The following SLC9D1 variants were observed in gnomAD, a reference collection of about 807,000 sequenced individuals.
SLC9D1 encodes the protein putative LAG1-interacting protein.
At chr13:113,537,035 C>A in the SLC9D1 span, among the ~76,000 whole-genome samples, 1 of 152,220 alleles carries the variant, frequency 6.6e-6, no homozygotes, top group South Asian at 2.1e-4. Flanking sequence ...TGGCTGGTCC[C>A]TCAAGCCCTT....
At chr13:113,520,856 T>G in the SLC9D1 span, 9 of 732,000 alleles carry the variant, frequency 1.2e-5, no homozygotes, top group African/African-American at 1.7e-5. Flanking sequence ...CCGTGCACAG[T>G]CCCTGGAGCA....
At chr13:113,499,698 A>G in the SLC9D1 span, among the ~76,000 whole-genome samples, 1 of 152,218 alleles carries the variant, frequency 6.6e-6, no homozygotes, top group Admixed American at 6.5e-5. Context: ...TTTAAAATCT[A>G]CTAGTTATGG....
the SLC9D1 span, among the ~76,000 whole-genome samples, chr13:113,495,228 G>A: frequency 2.6e-5 from 4 of 152,148 alleles, no homozygotes; most frequent in Non-Finnish European, 5.9e-5. Context: ...ACGAGGCTGC[G>A]TCGCCCCCCA....
chr13:113,533,737 G>A, the SLC9D1 span, among the ~76,000 whole-genome samples: 2 of 152,216 alleles, frequency 1.3e-5, no homozygotes, highest in Non-Finnish European at 2.9e-5. Flanking sequence ...GAGGCCTGGC[G>A]AGGAATTTTA....
the SLC9D1 span, among the ~76,000 whole-genome samples, chr13:113,503,206 A>C: frequency 6.6e-6 from 1 of 152,366 alleles, no homozygotes; most frequent in East Asian, 1.9e-4. Flanking sequence ...AACACATACA[A>C]CTGGATGCTG....
the SLC9D1 span, among the ~76,000 whole-genome samples, chr13:113,517,896 AG>A: frequency 6.6e-6 from 1 of 151,124 alleles, no homozygotes; most frequent in Non-Finnish European, 1.5e-5. Context: ...CCCCACAGCA[AG>A]GGGTTTACAG....
chr13:113,495,542 G>T, the SLC9D1 span: 1 of 1,438,834 alleles, frequency 7.0e-7, no homozygotes, highest in South Asian at 1.4e-5. Context: ...GTGGGGCAGA[G>T]ACCCGTGGAT....
At chr13:113,504,422 T>G in the SLC9D1 span, 2 of 152,280 alleles carry the variant, frequency 1.3e-5, no homozygotes, top group Non-Finnish European at 2.9e-5. Context: ...CTGTGAGATT[T>G]TGGTGCACCT....
At chr13:113,499,978 G>T in the SLC9D1 span, 1 of 1,517,928 alleles carries the variant, frequency 6.6e-7, no homozygotes. Context: ...TCAATTTTGA[G>T]GCAGTTCTGA....
At chr13:113,540,896 T>C in the SLC9D1 span, among the ~76,000 whole-genome samples, 1 of 152,202 alleles carries the variant, frequency 6.6e-6, no homozygotes, top group Non-Finnish European at 1.5e-5. Flanking sequence ...TTGTATGTGG[T>C]GTCAGGAGGG....
chr13:113,512,405 AGGGTTG>A, the SLC9D1 span, among the ~76,000 whole-genome samples: 3 of 149,372 alleles, frequency 2.0e-5, no homozygotes, highest in South Asian at 2.2e-4. Context: ...GTAGACGGAG[AGGGTTG>A]GAGTGTAGAT....
At chr13:113,517,255 A>C in the SLC9D1 span, among the ~76,000 whole-genome samples, 7 of 152,092 alleles carry the variant, frequency 4.6e-5, no homozygotes, top group Non-Finnish European at 5.9e-5. Flanking sequence ...GTTGTTGAGG[A>C]GGAGTCTCGC....
At chr13:113,503,626 C>CTT in the SLC9D1 span, 1 of 1,378,580 alleles carries the variant, frequency 7.3e-7, no homozygotes, top group Non-Finnish European at 1.0e-6. Context: ...AGCTAAGGAG[C>CTT]TTCACATCAT....
the SLC9D1 span, chr13:113,529,210 T>C: frequency 6.6e-6 from 1 of 152,232 alleles, no homozygotes; most frequent in African/African-American, 2.4e-5. Context: ...ACCGAAATTG[T>C]TCTAATTCAG....
At chr13:113,495,576 T>C in the SLC9D1 span, 192,571 of 1,528,208 alleles carry the variant, frequency 0.13, 14,828 homozygotes, top group African/African-American at 0.36. Context: ...CCTCCGGACC[T>C]GGATCATGAA....
chr13:113,524,048 A>G, the SLC9D1 span: 1 of 454,056 alleles, frequency 2.2e-6, no homozygotes, highest in Non-Finnish European at 4.4e-6. Context: ...TCTGTGGTAA[A>G]TGCTCCAAAG....
the SLC9D1 span, among the ~76,000 whole-genome samples, chr13:113,503,160 G>A: frequency 1.3e-5 from 2 of 152,218 alleles, no homozygotes; most frequent in African/African-American, 4.8e-5. Context: ...TAGCAAAGGT[G>A]CTCATAAACC....
the SLC9D1 span, among the ~76,000 whole-genome samples, chr13:113,542,996 G>A: frequency 1.3e-5 from 2 of 149,944 alleles, no homozygotes; most frequent in South Asian, 2.1e-4. Context: ...AGAGCCTCTC[G>A]GCTGCCATTT....
chr13:113,545,347 G>C, the SLC9D1 span, among the ~76,000 whole-genome samples: 29,429 of 152,160 alleles, frequency 0.19, 3,636 homozygotes, highest in African/African-American at 0.35. Context: ...AGCCGGTGGG[G>C]CCCAGGAACC....
Sources: gnomAD v4.1 joint callset for allele counts (sites outside exome capture counted in the v4.1 genomes callset) on GRCh38, gnomAD v4.1.1 for gene constraint, MANE v1.5 for transcripts, NCBI Gene and HGNC (gene_info 2026-07-23, HGNC 2026-07-21) for gene names.